Variants in RYR2 observed in about 807,000 individuals in gnomAD.
The protein encoded by RYR2 is cardiac muscle ryanodine receptor-calcium release channel.
RYR2 carries 227 observed loss-of-function variants against 601.1 expected under a neutral mutation model. That is an observed-to-expected ratio of 0.38 (90% CI 0.34 to 0.42). The LOEUF is 0.42. Among genes scored for constraint, RYR2 ranks in the 10% least tolerant of loss-of-function variants. RYR2 has a pLI of 1.00. For missense variants in RYR2, 4,646 were observed against 6,156.5 expected, an observed-to-expected ratio of 0.75 and a Z score of 8.21; for synonymous variants, 2,223 against 2,175.1, an observed-to-expected ratio of 1.02 and a Z score of -0.61.
chr1:237,165,441 G>A (rs1042858232), intron 1 of RYR2, among the ~76,000 whole-genome samples: 24 of 152,200 alleles, frequency 1.6e-4, no homozygotes, highest in African/African-American at 4.1e-4. Context: ...AGACAGATTT[G>A]TGAATTACAA....
chr1:237,808,831 A>T, intron 99 of RYR2, 70 bp from the exon 100 acceptor site: 1 of 1,489,368 alleles, frequency 6.7e-7, no homozygotes, highest in Non-Finnish European at 9.4e-7. Context: ...CTCGCCGCCC[A>T]TGTAGATGTC....
chr1:237,147,688 C>T (rs762346933), intron 1 of RYR2, among the ~76,000 whole-genome samples: 1 of 152,228 alleles, frequency 6.6e-6, no homozygotes, highest in Non-Finnish European at 1.5e-5. Flanking sequence ...CATTTCTTAA[C>T]ATTTGTACAT....
In RYR2 at chr1:237,784,042, C is replaced by T. The variant is rs1695347915; in HGVS notation, c.12330C>T (p.Pro4110=). ...VLLTNLSEHM[P]NDTRLQTFLE... is the part of the protein sequence containing the mutation. ...TGACAAACCTCTCTGAGCACATGCC[C>T]AACGATACCCGACTTCAGACTTTTC... The change falls in exon 90 of 105, where the codon CCC becomes CCT. Residue 4110 remains proline (P), a synonymous_variant. Coordinates refer to ENST00000366574, the MANE Select transcript of RYR2 (RefSeq NM_001035.3). This position sits in a 1 kb window ranked among gnomAD's most constrained non-coding sequence, Gnocchi z 7.1. The T allele has an allele frequency of 6.2e-7, 1 of 1,613,882 alleles. No homozygotes were observed. The highest frequency in any genetic ancestry group is 1.1e-5 in the South Asian group (1 of 91,082).
At chr1:237,136,525 G>T (rs180706548) in intron 1 of RYR2, among the ~76,000 whole-genome samples, 3 of 152,292 alleles carry the variant, frequency 2.0e-5, no homozygotes, top group Admixed American at 2.0e-4. Context: ...CCTCCAGCAG[G>T]ACTCAGACAG....
intron 2 of RYR2, among the ~76,000 whole-genome samples, chr1:237,280,134 A>T (rs372121498): frequency 6.6e-6 from 1 of 152,216 alleles, no homozygotes; most frequent in East Asian, 1.9e-4. Context: ...AGCATAAATA[A>T]TGCATTAAGA....
chr1:237,331,037 G>T, intron 3 of RYR2, 55 bp downstream of exon 3: 1 of 1,402,498 alleles, frequency 7.1e-7, no homozygotes, highest in Non-Finnish European at 1.0e-6. Flanking sequence ...AGCTACTATA[G>T]GAACAATTTC....
chr1:237,764,188 C>G (rs1037878725), intron 84 of RYR2, among the ~76,000 whole-genome samples: 2 of 152,132 alleles, frequency 1.3e-5, no homozygotes, highest in African/African-American at 4.8e-5. Context: ...AATGAGGTAG[C>G]TATTACCTTG....
At chr1:237,237,124 T>C (rs982577692) in intron 1 of RYR2, among the ~76,000 whole-genome samples, 1 of 152,172 alleles carries the variant, frequency 6.6e-6, no homozygotes, top group Non-Finnish European at 1.5e-5. Flanking sequence ...CCTTCCACCA[T>C]GATTGTAAGT....
chr1:237,310,076 C>A (rs12749212), intron 2 of RYR2, among the ~76,000 whole-genome samples: 51,266 of 152,010 alleles, frequency 0.34, 8,869 homozygotes, highest in South Asian at 0.5. Flanking sequence ...CAGCAGCAGG[C>A]TGAAACGCTC....
chr1:237,288,930 C>T (rs1283680592), intron 2 of RYR2, among the ~76,000 whole-genome samples: 1 of 152,136 alleles, frequency 6.6e-6, no homozygotes, highest in Non-Finnish European at 1.5e-5. Flanking sequence ...CCCTGTGGTG[C>T]CAGGCAGGTA....
chr1:237,370,508 A>G (rs551015430), intron 6 of RYR2, among the ~76,000 whole-genome samples: 2 of 152,076 alleles, frequency 1.3e-5, no homozygotes, highest in Non-Finnish European at 2.9e-5. Context: ...CAAATAGGCT[A>G]AGGAGGAGGA....
intron 3 of RYR2, among the ~76,000 whole-genome samples, chr1:237,347,349 T>C (rs1698393371): frequency 6.6e-6 from 1 of 151,948 alleles, no homozygotes; most frequent in Non-Finnish European, 1.5e-5. Context: ...GAGGGAAAAA[T>C]AAAGAAAAAT....
At position 237,441,413 on chromosome 1, in the gene RYR2, A is replaced by G. The variant is rs1707887024; in HGVS notation, c.1100A>G (p.Asp367Gly). 6.2e-7 allele frequency: 1 copy of G among 1,613,010 alleles called. No homozygotes were observed. The highest frequency in any genetic ancestry group is 8.5e-7 in the Non-Finnish European group (1 of 1,179,238). ...TCAGTATGCTATATACAACATGTAGACACAGGCCTATGGCTTACTTACCAG... is the reference window on the plus strand; with the variant it reads ...TCAGTATGCTATATACAACATGTAGGCACAGGCCTATGGCTTACTTACCAG... ...GDSVCYIQHV[D>G]TGLWLTYQSV... Residue 367 changes from aspartate (D) to glycine (G), a missense_variant, in exon 13 of 105, where the codon GAC (aspartate) becomes GGC (glycine). This residue lies in a region of RYR2 where 1,807 missense variants were observed against 2,088.1 expected (regional missense o/e 0.87). Coordinates refer to ENST00000366574, the MANE Select transcript of RYR2 (RefSeq NM_001035.3).
intron 3 of RYR2, among the ~76,000 whole-genome samples, chr1:237,349,028 G>C (rs1036493724): frequency 6.6e-6 from 1 of 152,166 alleles, no homozygotes; most frequent in Non-Finnish European, 1.5e-5. Flanking sequence ...TGCATTAACT[G>C]TAGTAATAAA....
chr1:237,336,866 A>AATT (rs1272088303), intron 3 of RYR2, among the ~76,000 whole-genome samples: 176 of 151,656 alleles, frequency 1.2e-3, no homozygotes, highest in Non-Finnish European at 1.3e-3. Context: ...CTAAATAAAT[A>AATT]AATAAATTAA....
chr1:237,710,602 T>C lies in RYR2; in HGVS notation c.10230+1035T>C, dbSNP rs973358339. On this transcript the variant is annotated intron_variant, in intron 70 of 104. Transcript: ENST00000366574. ...CTTCACAAAGATACAAATTTATTTA[T>C]CCTGTGTAACTCATGTTTGGGGGAT... 6.6e-5 allele frequency among the ~76,000 whole-genome samples: 10 copies of C among 152,240 alleles called. 1 individual carries two copies. In the South Asian group the frequency reaches 2.1e-3, roughly 32 times the overall value.
At chr1:237,779,567 G>T (rs1558395398) in intron 88 of RYR2, among the ~76,000 whole-genome samples, 3 of 152,154 alleles carry the variant, frequency 2.0e-5, no homozygotes. Flanking sequence ...TGTGGGCCAG[G>T]TCTCTCTTCC....
chr1:237,535,480 CACAT>C (rs1258938946), intron 25 of RYR2, among the ~76,000 whole-genome samples: 7 of 107,132 alleles, frequency 6.5e-5, no homozygotes, highest in African/African-American at 2.2e-4. Context: ...GAATCAAACA[CACAT>C]ACACACACAC....
chr1:237,048,188 A>C (rs1462657442), intron 1 of RYR2, among the ~76,000 whole-genome samples: 3 of 152,180 alleles, frequency 2.0e-5, no homozygotes, highest in Non-Finnish European at 4.4e-5. Flanking sequence ...CCTAACCTTC[A>C]GAAGACCTGA....
Sources: gnomAD v4.1 joint callset for allele counts (sites outside exome capture counted in the v4.1 genomes callset) on GRCh38, gnomAD v4.1.1 for gene constraint, gnomAD v4.1.1 regional missense constraint, Gnocchi (gnomAD v3.1) non-coding constraint, MANE v1.5 for transcripts, NCBI Gene and HGNC (gene_info 2026-07-23, HGNC 2026-07-21) for gene names.